Variants in PRKCA observed in about 807,000 individuals in gnomAD.
PRKCA encodes the protein protein kinase C alpha type.
PRKCA carries 27 observed loss-of-function variants against 87.0 expected under a neutral mutation model. The observed-to-expected ratio is 0.31, with a 90% CI of 0.23 to 0.43. The LOEUF is 0.43. PRKCA is among the 20% of genes least tolerant of loss of function. The pLI is 1.00. For missense variants in PRKCA, 518 were observed against 852.3 expected, an observed-to-expected ratio of 0.61 and a Z score of 4.88; for synonymous variants, 329 against 311.1, an observed-to-expected ratio of 1.06 and a Z score of -0.61.
chr17:66,785,567 G>A (rs1428324820), intron 14 of PRKCA, among the ~76,000 whole-genome samples: 2 of 152,120 alleles, frequency 1.3e-5, no homozygotes, highest in African/African-American at 4.8e-5. Flanking sequence ...TCCCATGAAC[G>A]CTTTCCTCCT....
At chr17:66,334,806 C>T (rs764608027) in intron 2 of PRKCA, among the ~76,000 whole-genome samples, 5 of 152,164 alleles carry the variant, frequency 3.3e-5, no homozygotes, top group Admixed American at 6.5e-5. Context: ...ATTTGTACAC[C>T]CATGTTCATA....
intron 2 of PRKCA, among the ~76,000 whole-genome samples, chr17:66,397,818 A>G (rs1323381030): frequency 6.6e-6 from 1 of 152,152 alleles, no homozygotes; most frequent in Non-Finnish European, 1.5e-5. Context: ...TGATGCCTGC[A>G]TCCTGATGGC....
intron 3 of PRKCA, among the ~76,000 whole-genome samples, chr17:66,587,749 GTATA>G (rs1969649106): frequency 9.2e-6 from 1 of 108,608 alleles, no homozygotes; most frequent in Non-Finnish European, 1.9e-5. Context: ...GTATATGTGT[GTATA>G]TGTATACATA....
At chr17:66,571,105 C>T (rs566363359) in intron 3 of PRKCA, among the ~76,000 whole-genome samples, 4 of 152,292 alleles carry the variant, frequency 2.6e-5, no homozygotes, top group South Asian at 4.1e-4. Context: ...TCTTAAATTT[C>T]GTACTAAATG....
At chr17:66,674,919 C>T (rs1017466090) in intron 5 of PRKCA, among the ~76,000 whole-genome samples, 5 of 152,204 alleles carry the variant, frequency 3.3e-5, no homozygotes, top group African/African-American at 9.6e-5. Context: ...GAGGGCCTGA[C>T]TGCAGTGCAC....
intron 3 of PRKCA, among the ~76,000 whole-genome samples, chr17:66,559,194 C>T (rs543050771): frequency 3.3e-5 from 5 of 152,046 alleles, no homozygotes; most frequent in South Asian, 2.1e-4. Context: ...CCCTCCAGGC[C>T]GGGCACGGTG....
chr17:66,511,585 C>A (rs941764987), intron 3 of PRKCA, among the ~76,000 whole-genome samples: 23 of 152,104 alleles, frequency 1.5e-4, no homozygotes, highest in Admixed American at 1.4e-3. Flanking sequence ...GAAGGAATCA[C>A]ATTCCTAGGT....
intron 5 of PRKCA, among the ~76,000 whole-genome samples, chr17:66,653,622 G>A (rs1014719679): frequency 1.8e-4 from 27 of 152,062 alleles, no homozygotes; most frequent in African/African-American, 6.5e-4. Context: ...CACAGTATTG[G>A]CAAAGCTGTT....
At chr17:66,426,453 A>G (rs1487517986) in intron 2 of PRKCA, among the ~76,000 whole-genome samples, 1 of 152,230 alleles carries the variant, frequency 6.6e-6, no homozygotes, top group Non-Finnish European at 1.5e-5. Flanking sequence ...TCAATGGTCC[A>G]GGGAGGCGGA....
intron 5 of PRKCA, among the ~76,000 whole-genome samples, chr17:66,655,930 A>G (rs1971723114): frequency 1.3e-5 from 2 of 152,202 alleles, no homozygotes; most frequent in African/African-American, 2.4e-5. Context: ...TCAGAGACAC[A>G]TGATTATTTA....
intron 3 of PRKCA, among the ~76,000 whole-genome samples, chr17:66,566,444 A>G (rs1490106359): frequency 6.6e-6 from 1 of 151,444 alleles, no homozygotes; most frequent in Non-Finnish European, 1.5e-5. Flanking sequence ...GACTTGTTGG[A>G]AGACAGGCAT....
chr17:66,500,674 TG>T (rs2144127779), intron 3 of PRKCA, among the ~76,000 whole-genome samples: 1 of 152,356 alleles, frequency 6.6e-6, no homozygotes, highest in South Asian at 2.1e-4. Context: ...GTTGGTGGCT[TG>T]ACTGGATTGT....
At chr17:66,782,799 G>A (rs1323354870) in intron 14 of PRKCA, among the ~76,000 whole-genome samples, 1 of 152,236 alleles carries the variant, frequency 6.6e-6, no homozygotes, top group Non-Finnish European at 1.5e-5. Flanking sequence ...CAGGAGCAGT[G>A]TTGGATGTCA....
At chr17:66,772,047 A>C (rs1974945265) in intron 13 of PRKCA, among the ~76,000 whole-genome samples, 1 of 152,186 alleles carries the variant, frequency 6.6e-6, no homozygotes, top group Non-Finnish European at 1.5e-5. Flanking sequence ...GGTATCAGGG[A>C]GATAAATTCA....
chr17:66,728,905 G>A (rs1488246210), intron 8 of PRKCA, among the ~76,000 whole-genome samples: 1 of 152,238 alleles, frequency 6.6e-6, no homozygotes, highest in African/African-American at 2.4e-5. Flanking sequence ...CTTCACCCAG[G>A]TGAAAGTAGT....
intron 13 of PRKCA, among the ~76,000 whole-genome samples, chr17:66,770,443 GT>G (rs1166034994): frequency 2.6e-5 from 4 of 152,102 alleles, no homozygotes; most frequent in Non-Finnish European, 5.9e-5. Context: ...GCAGTTCTGT[GT>G]TTTCTGTTCT....
At chr17:66,384,380 A>G (rs576891665) in intron 2 of PRKCA, among the ~76,000 whole-genome samples, 2 of 152,142 alleles carry the variant, frequency 1.3e-5, no homozygotes, top group African/African-American at 4.8e-5. Flanking sequence ...GGCTTTGGAA[A>G]CTCATTAAAA....
intron 8 of PRKCA, among the ~76,000 whole-genome samples, chr17:66,706,248 A>C (rs991353915): frequency 5.3e-5 from 8 of 152,218 alleles, no homozygotes; most frequent in African/African-American, 1.9e-4. Context: ...GATAGACTTC[A>C]TCACCCCCAG....
intron 2 of PRKCA, among the ~76,000 whole-genome samples, chr17:66,470,648 A>G (rs187188689): frequency 2.0e-5 from 3 of 152,220 alleles, no homozygotes; most frequent in Admixed American, 2.0e-4. Flanking sequence ...TGCAGTTCAG[A>G]CTTAAAGGGC....
Sources: gnomAD v4.1 joint callset for allele counts (sites outside exome capture counted in the v4.1 genomes callset) on GRCh38, gnomAD v4.1.1 for gene constraint, MANE v1.5 for transcripts, NCBI Gene and HGNC (gene_info 2026-07-23, HGNC 2026-07-21) for gene names.